LNX1: variants seen among roughly 807,000 people sequenced by gnomAD.
LNX1 encodes ligand of numb-protein X 1.
LNX1 carries 54 observed loss-of-function variants against 68.4 expected under a neutral mutation model. The ratio of observed to expected loss-of-function variants is 0.79; its 90% confidence interval spans 0.63 to 0.99. The LOEUF (loss-of-function observed/expected upper bound fraction) is 0.99, where lower values mean the gene tolerates loss of function less well. LNX1 is among the 50% of genes least tolerant of loss of function. The pLI is 0.00. For synonymous variants in LNX1, 336 were observed against 350.0 expected (o/e 0.96, Z 0.45); for missense variants, 906 against 926.4 (o/e 0.98, Z 0.29).
rs1722108252 is a variant in LNX1 at position 53,461,585 on chromosome 4, T to C, written c.1901A>G (p.Tyr634Cys). 7 of 1,609,388 alleles carry C rather than the reference T, an allele frequency of 4.3e-6. No individual in the cohort carries two copies. Among genetic ancestry groups the C allele is most frequent in the Non-Finnish European group, 5.9e-6 (7 of 1,177,074 alleles). The part of the protein sequence containing the change: ...VMWLELPRCL[Y>C]NCKDIVLRRN... Reference sequence around the variant, plus strand: ...TCGTAATACAATATCTTTACAGTTATACAAGCACCTGAAATAGAATGTAAT... The same window carrying C: ...TCGTAATACAATATCTTTACAGTTACACAAGCACCTGAAATAGAATGTAAT... The change falls in exon 10 of 11, where the codon TAT (tyrosine) becomes TGT (cysteine). Residue 634 changes from tyrosine (Y) to cysteine (C), a missense_variant. Transcript: ENST00000263925.
chr4:53,470,020 C>T (rs553756853), intron 9 of LNX1, among the ~76,000 whole-genome samples: 8 of 152,216 alleles, frequency 5.3e-5, no homozygotes, highest in African/African-American at 1.7e-4. Context: ...ATAACAAAGC[C>T]GGGCAGAGAC....
In LNX1 at chr4:53,567,703, A is replaced by C. The variant is rs1183800099; in HGVS notation, c.380+5920T>G. ...AACCCTTCAAAAAATTGATGAATCC[A>C]GGAGCTGGTTTATTGAAAGGATCAA... On this transcript the variant is annotated intron_variant, in intron 2 of 10. Coordinates refer to ENST00000263925, the MANE Select transcript of LNX1 (RefSeq NM_001126328.3). Among the ~76,000 whole-genome samples, 5 of 152,254 alleles carry C rather than the reference A, an allele frequency of 3.3e-5. No homozygotes were observed. The South Asian group carries it at 1.0e-3, about 31-fold the overall frequency.
At chr4:53,524,763 T>C (rs535996000) in intron 2 of LNX1, among the ~76,000 whole-genome samples, 3 of 152,272 alleles carry the variant, frequency 2.0e-5, no homozygotes, top group African/African-American at 7.2e-5. Flanking sequence ...AGCTGAGGAA[T>C]TGAAGGAACT....
chr4:53,583,548 T>C (rs1218717279), intron 1 of LNX1, among the ~76,000 whole-genome samples: 1 of 130,350 alleles, frequency 7.7e-6, no homozygotes, highest in Non-Finnish European at 1.7e-5. Flanking sequence ...CACCCAAAAA[T>C]ACAGAAAAAA....
rs1723602087 is a variant in LNX1, at chr4:53,476,917, T to C, written c.1728A>G (p.Ala576=). The C allele has an allele frequency of 6.2e-7, 1 of 1,614,118 alleles. No individual in the cohort carries two copies. The highest frequency in any genetic ancestry group is 8.5e-7 in the Non-Finnish European group (1 of 1,180,052). The part of the protein sequence containing the change: ...LTEVSRSEAV[A]LLKRTSSSIV... ...TCGAGGATGATGTTCTTTTCAATAA[T>C]GCCACTGCCTCACTCCGGCTGACCT... is the stretch of plus-strand genomic sequence containing the variant. Residue 576 remains alanine, a synonymous_variant, in exon 9 of 11, where the codon GCA becomes GCG. Coordinates refer to ENST00000263925, the MANE Select transcript of LNX1 (RefSeq NM_001126328.3).
intron 1 of LNX1, among the ~76,000 whole-genome samples, chr4:53,642,245 AG>A (rs1734716148): frequency 3.4e-5 from 5 of 148,836 alleles, no homozygotes; most frequent in Admixed American, 6.6e-5. Flanking sequence ...AAAAAAAAAA[AG>A]GTCAAAGCAG....
At chr4:53,532,651 A>G (rs1728099567) in intron 2 of LNX1, among the ~76,000 whole-genome samples, 3 of 152,166 alleles carry the variant, frequency 2.0e-5, no homozygotes, top group African/African-American at 7.2e-5. Flanking sequence ...AACATTCCCT[A>G]TGTGACCATT....
intron 2 of LNX1, among the ~76,000 whole-genome samples, chr4:53,554,569 C>A (rs1163278223): frequency 6.6e-6 from 1 of 152,178 alleles, no homozygotes; most frequent in Non-Finnish European, 1.5e-5. Context: ...TAAAATAATT[C>A]CTGGCTGGGC....
intron 2 of LNX1, among the ~76,000 whole-genome samples, chr4:53,522,218 A>G (rs1727277386): frequency 6.6e-6 from 1 of 152,134 alleles, no homozygotes; most frequent in African/African-American, 2.4e-5. Context: ...TCTTTGTCCA[A>G]TCTGGCTTCC....
chr4:53,492,874 T>C (rs1224943496), intron 6 of LNX1, among the ~76,000 whole-genome samples: 1 of 152,072 alleles, frequency 6.6e-6, no homozygotes, highest in Non-Finnish European at 1.5e-5. Flanking sequence ...CAGGAAGATA[T>C]GAAGCAGGCA....
chr4:53,554,682 T>C (rs1391621067), intron 2 of LNX1, among the ~76,000 whole-genome samples: 2 of 152,088 alleles, frequency 1.3e-5, no homozygotes, highest in East Asian at 3.9e-4. Context: ...TGAAACCCCT[T>C]CTCTACTAAA....
At chr4:53,556,093 G>C (rs1292998998) in intron 2 of LNX1, among the ~76,000 whole-genome samples, 2 of 152,140 alleles carry the variant, frequency 1.3e-5, no homozygotes, top group Non-Finnish European at 1.5e-5. Context: ...TGCAATTAAG[G>C]ATCTCAAGAT....
At chr4:53,650,695 C>G (rs1417024381) in intron 1 of LNX1, among the ~76,000 whole-genome samples, 3 of 152,126 alleles carry the variant, frequency 2.0e-5, no homozygotes, top group Non-Finnish European at 4.4e-5. Flanking sequence ...GCTGTGAAAC[C>G]TCTGTCCCCT....
intron 9 of LNX1, among the ~76,000 whole-genome samples, chr4:53,466,538 G>T (rs1215086824): frequency 6.6e-6 from 1 of 152,192 alleles, no homozygotes; most frequent in Non-Finnish European, 1.5e-5. Context: ...GCAGGGCAAG[G>T]CGTCGCCTCA....
intron 2 of LNX1, among the ~76,000 whole-genome samples, chr4:53,601,003 G>C (rs896293431): frequency 2.7e-5 from 4 of 150,192 alleles, no homozygotes; most frequent in Admixed American, 2.6e-4. Context: ...ACTTGAACCC[G>C]GGAGGCCGAG....
intron 1 of LNX1, among the ~76,000 whole-genome samples, chr4:53,638,297 C>T (rs374306344): frequency 3.9e-4 from 59 of 152,310 alleles, no homozygotes; most frequent in African/African-American, 1.1e-3. Context: ...TAATGCAGAA[C>T]AGTCAATTCT....
intron 1 of LNX1, among the ~76,000 whole-genome samples, chr4:53,629,315 C>T (rs1734185893): frequency 6.6e-6 from 1 of 152,140 alleles, no homozygotes; most frequent in Admixed American, 6.5e-5. Context: ...CTGTCCCCAG[C>T]AGAAACCAGA....
intron 2 of LNX1, among the ~76,000 whole-genome samples, chr4:53,596,707 T>C (rs920411636): frequency 3.9e-5 from 6 of 152,276 alleles, no homozygotes; most frequent in Admixed American, 3.9e-4. Context: ...AAAATGTCTC[T>C]TCTCCTTGTT....
chr4:53,537,871 C>A (rs1728483321), intron 2 of LNX1, among the ~76,000 whole-genome samples: 2 of 152,238 alleles, frequency 1.3e-5, no homozygotes, highest in African/African-American at 4.8e-5. Flanking sequence ...AGCCAGTTTG[C>A]TTCCTTTCAG....
Sources: allele counts gnomAD v4.1 joint callset (sites outside exome capture counted in the v4.1 genomes callset), GRCh38; gene constraint gnomAD v4.1.1; transcripts MANE v1.5; gene names NCBI Gene and HGNC (gene_info 2026-07-23, HGNC 2026-07-21).